AK9: variants seen among roughly 807,000 people sequenced by gnomAD.
The protein encoded by AK9 is adenylate kinase domain containing 1.
Under a neutral mutation model 239.6 loss-of-function variants are expected in AK9, and 191 were observed. The ratio of observed to expected loss-of-function variants is 0.80; its 90% CI spans 0.71 to 0.90. AK9 has a LOEUF of 0.90. AK9 is among the 40% of genes least tolerant of loss of function. The pLI, the probability that AK9 is intolerant of heterozygous loss-of-function variation, is 0.00. For synonymous variants in AK9, 689 were observed against 721.0 expected (o/e 0.96, Z 0.71); for missense variants, 1,995 against 2,214.7 (o/e 0.90, Z 1.99).
intron 7 of AK9, among the ~76,000 whole-genome samples, chr6:109,657,578 C>A (rs796857399): frequency 2.7e-5 from 4 of 149,638 alleles, no homozygotes; most frequent in African/African-American, 9.8e-5. Context: ...ACTTTAAGTT[C>A]TAGGGTATGT....
At chr6:109,580,150 A>G (rs1788643093) in intron 19 of AK9, among the ~76,000 whole-genome samples, 1 of 152,176 alleles carries the variant, frequency 6.6e-6, no homozygotes, top group African/African-American at 2.4e-5. Flanking sequence ...ATATTGAATA[A>G]GCAGAACATT....
chr6:109,636,900 A>G (rs1583355713), intron 10 of AK9, among the ~76,000 whole-genome samples: 2 of 151,914 alleles, frequency 1.3e-5, no homozygotes, highest in African/African-American at 4.8e-5. Flanking sequence ...CCTGGTTTCA[A>G]TCCTTTGGGG....
intron 35 of AK9, among the ~76,000 whole-genome samples, chr6:109,503,865 G>C (rs1000666242): frequency 1.3e-5 from 2 of 152,124 alleles, no homozygotes; most frequent in Non-Finnish European, 2.9e-5. Flanking sequence ...CTGATGCGAG[G>C]GTGGAGAGGA....
chr6:109,633,951 T>C (rs2128275914), intron 10 of AK9, among the ~76,000 whole-genome samples: 1 of 152,348 alleles, frequency 6.6e-6, no homozygotes, highest in East Asian at 1.9e-4. Context: ...TTTATATTTA[T>C]GCTTACTTAA....
chr6:109,626,099 C>A (rs964341721), intron 12 of AK9, among the ~76,000 whole-genome samples: 3 of 152,110 alleles, frequency 2.0e-5, no homozygotes, highest in African/African-American at 7.2e-5. Flanking sequence ...TCCACAAATT[C>A]CAATCTGCAG....
chr6:109,531,529 A>C (rs1262050085), intron 28 of AK9, among the ~76,000 whole-genome samples: 1 of 152,062 alleles, frequency 6.6e-6, no homozygotes, highest in African/African-American at 2.4e-5. Flanking sequence ...TATTTATATT[A>C]AAATTAAACA....
At chr6:109,588,123 T>G (rs561832592) in intron 17 of AK9, among the ~76,000 whole-genome samples, 4 of 151,660 alleles carry the variant, frequency 2.6e-5, no homozygotes, top group Non-Finnish European at 5.9e-5. Flanking sequence ...CAGGCTGGAG[T>G]GCAGTGGCGC....
At chr6:109,577,758 T>G (rs1788275527) in intron 20 of AK9, among the ~76,000 whole-genome samples, 1 of 152,124 alleles carries the variant, frequency 6.6e-6, no homozygotes, top group Admixed American at 6.6e-5. Context: ...GATTTTCTAG[T>G]TTGTGTGCAT....
intron 17 of AK9, among the ~76,000 whole-genome samples, chr6:109,592,376 A>T (rs1434153103): frequency 1.3e-5 from 2 of 152,106 alleles, no homozygotes; most frequent in Non-Finnish European, 2.9e-5. Flanking sequence ...GAAGACCAAA[A>T]ATAGGACTCC....
chr6:109,671,228 T>C (rs1241363539), intron 5 of AK9, among the ~76,000 whole-genome samples: 5 of 152,220 alleles, frequency 3.3e-5, no homozygotes, highest in Non-Finnish European at 5.9e-5. Context: ...TTACTAAGAA[T>C]ATAAAACAAC....
In AK9 at chr6:109,564,801, T is replaced by C; in HGVS notation, c.2389A>G (p.Lys797Glu). ...EETTVETEIP[K>E]GSKEGLEIEK... ...ATTTCCAGGCCCTCTTTGGATCCTT[T>C]TGGGATTTCTGTTTCCACTGTAGTT... Residue 797 changes from lysine (K) to glutamate (E), a missense_variant, in exon 22 of 41, where the codon AAA becomes GAA. Around this residue, in one of 5 missense-constraint regions of AK9, gnomAD observed 1,290 missense variants for 1,392.7 expected, o/e 0.93. Coordinates refer to ENST00000424296, the MANE Select transcript of AK9 (RefSeq NM_001145128.3). 1 of 1,547,446 alleles carries C rather than the reference T, an allele frequency of 6.5e-7. No individual in the cohort carries two copies.
intron 8 of AK9, among the ~76,000 whole-genome samples, chr6:109,648,798 T>C (rs1221301992): frequency 6.6e-6 from 1 of 152,152 alleles, no homozygotes; most frequent in Non-Finnish European, 1.5e-5. Flanking sequence ...AAAAAGAGAA[T>C]TTTAGACCAA....
At chr6:109,607,367 G>T (rs1793017433) in intron 17 of AK9, among the ~76,000 whole-genome samples, 1 of 150,950 alleles carries the variant, frequency 6.6e-6, no homozygotes, top group African/African-American at 2.4e-5. Context: ...TAAAATATTT[G>T]GAAAAAAAAA....
At chr6:109,509,034 C>T (rs1778405727) in intron 33 of AK9, 145 bp downstream of exon 33, 2 of 882,904 alleles carry the variant, frequency 2.3e-6, no homozygotes, top group Admixed American at 5.9e-5. Context: ...AAATATGTAA[C>T]CATATAGGTG....
At chr6:109,597,331 T>G (rs550953655) in intron 17 of AK9, among the ~76,000 whole-genome samples, 1 of 152,312 alleles carries the variant, frequency 6.6e-6, no homozygotes, top group South Asian at 2.1e-4. Context: ...AGAAATTGTA[T>G]CTCATTGTTT....
intron 16 of AK9, among the ~76,000 whole-genome samples, chr6:109,610,905 G>A (rs1204634142): frequency 1.3e-5 from 2 of 152,112 alleles, no homozygotes; most frequent in African/African-American, 2.4e-5. Context: ...AGACTACAAG[G>A]GACAGTGAGA....
chr6:109,561,073 C>A (rs1785693686), intron 24 of AK9, among the ~76,000 whole-genome samples: 1 of 152,054 alleles, frequency 6.6e-6, no homozygotes. Context: ...CCTGCCCCAG[C>A]CTCCTGAGTA....
intron 20 of AK9, among the ~76,000 whole-genome samples, 156 bp from the exon 21 acceptor site, chr6:109,573,750 AT>A (rs1315151307): frequency 6.6e-6 from 1 of 152,212 alleles, no homozygotes; most frequent in African/African-American, 2.4e-5. Context: ...TTATCTATTT[AT>A]TATAGCTATT....
intron 1 of AK9, among the ~76,000 whole-genome samples, chr6:109,678,400 G>A (rs922725931): frequency 2.6e-5 from 4 of 152,132 alleles, no homozygotes; most frequent in Non-Finnish European, 5.9e-5. Flanking sequence ...TGGTTGCCAC[G>A]GGTTAGCAGG....
Sources: allele counts gnomAD v4.1 joint callset (sites outside exome capture counted in the v4.1 genomes callset), GRCh38; gene constraint gnomAD v4.1.1; regional missense constraint gnomAD v4.1.1; transcripts MANE v1.5; gene names NCBI Gene and HGNC (gene_info 2026-07-23, HGNC 2026-07-21).